Variants in LRRC8C observed in about 807,000 individuals in gnomAD.
LRRC8C encodes the protein leucine rich repeat containing 8 VRAC subunit C.
In LRRC8C, 20 loss-of-function variants were observed where a neutral mutation model predicts 55.3. The ratio of observed to expected loss-of-function variants is 0.36; its 90% CI spans 0.25 to 0.53. The LOEUF is 0.53. Among genes scored for constraint, LRRC8C ranks in the 20% least tolerant of loss-of-function variants. LRRC8C has a pLI of 0.92. For missense variants in LRRC8C, 659 were observed against 951.4 expected, an observed-to-expected ratio of 0.69 and a Z score of 4.04; for synonymous variants, 376 against 360.7, an observed-to-expected ratio of 1.04 and a Z score of -0.48.
intron 2 of LRRC8C, among the ~76,000 whole-genome samples, chr1:89,696,958 T>C (rs1220993745): frequency 1.3e-5 from 2 of 152,186 alleles, no homozygotes; most frequent in Non-Finnish European, 2.9e-5. Flanking sequence ...TTATCCAAAT[T>C]AATATTTATG....
At chr1:89,696,556 C>T (rs1408635369) in intron 2 of LRRC8C, among the ~76,000 whole-genome samples, 1 of 152,078 alleles carries the variant, frequency 6.6e-6, no homozygotes, top group African/African-American at 2.4e-5. Context: ...TCCTAAAGGT[C>T]ATCTGAACAA....
At position 89,686,323 on chromosome 1, in the gene LRRC8C, C is replaced by T. The variant is rs573285639; in HGVS notation, c.-4-147C>T. The T allele has an allele frequency of 5.0e-5, 36 of 721,610 alleles. 1 individual carries two copies. In the South Asian group the frequency reaches 7.4e-4, roughly 15 times the overall value. The allele number at this position is 721,610 out of a possible 1,614,324, so 44.7% of individuals were successfully genotyped here. A position where few individuals can be genotyped will look rare whatever the true frequency, so the allele number is the denominator to read the frequency against. On this transcript the variant is annotated intron_variant, in intron 1 of 2. Transcript: ENST00000370454. Reference sequence around the variant, plus strand: ...TATTTCCTCAACTGGTGATTTTATTCAGTGGCTCATCAAAACATTGATGTG... The same window carrying T: ...TATTTCCTCAACTGGTGATTTTATTTAGTGGCTCATCAAAACATTGATGTG...
At chr1:89,694,474 A>T (rs932051171) in intron 2 of LRRC8C, among the ~76,000 whole-genome samples, 7 of 151,258 alleles carry the variant, frequency 4.6e-5, no homozygotes, top group African/African-American at 1.7e-4. Context: ...TTTGGAGACG[A>T]GTTCTCACTC....
At chr1:89,649,715 C>T (rs1656706033) in intron 1 of LRRC8C, among the ~76,000 whole-genome samples, 1 of 152,094 alleles carries the variant, frequency 6.6e-6, no homozygotes, top group African/African-American at 2.4e-5. Flanking sequence ...TATTCCTTTG[C>T]CCAGGGTGGT....
At chr1:89,707,647 T>TGA (rs1658521565) in intron 2 of LRRC8C, among the ~76,000 whole-genome samples, 1 of 117,690 alleles carries the variant, frequency 8.5e-6, no homozygotes, top group African/African-American at 4.3e-5. Context: ...TGTGTGTGTG[T>TGA]GTGAGTGTGT....
chr1:89,696,859 G>C (rs533011430), intron 2 of LRRC8C, among the ~76,000 whole-genome samples: 1 of 152,232 alleles, frequency 6.6e-6, no homozygotes, highest in African/African-American at 2.4e-5. Context: ...GCCATTATCT[G>C]GATGATTCAG....
intron 1 of LRRC8C, among the ~76,000 whole-genome samples, chr1:89,635,021 C>A (rs1418633653): frequency 2.0e-5 from 3 of 152,056 alleles, no homozygotes; most frequent in Non-Finnish European, 4.4e-5. Context: ...TAAAATCAAG[C>A]CTTTATTAAT....
chr1:89,671,450 A>G (rs900897503), intron 1 of LRRC8C, among the ~76,000 whole-genome samples: 1 of 152,192 alleles, frequency 6.6e-6, no homozygotes, highest in Admixed American at 6.5e-5. Context: ...GAGGAATTCT[A>G]GGTGGATTTC....
At chr1:89,687,322 G>C (rs2101286887) in intron 2 of LRRC8C, among the ~76,000 whole-genome samples, 1 of 152,308 alleles carries the variant, frequency 6.6e-6, no homozygotes, top group South Asian at 2.1e-4. Flanking sequence ...AAAGGTGATG[G>C]TTGAATTAAA....
intron 1 of LRRC8C, among the ~76,000 whole-genome samples, chr1:89,673,419 C>T (rs1178285309): frequency 6.6e-6 from 1 of 152,126 alleles, no homozygotes; most frequent in African/African-American, 2.4e-5. Context: ...AGATGGTTTT[C>T]TCAGGAAGAC....
intron 1 of LRRC8C, among the ~76,000 whole-genome samples, chr1:89,659,053 TTTTTTTTTTGTGTGTGTGTGTG>T (rs1344374086): frequency 1.7e-5 from 1 of 59,350 alleles, no homozygotes; most frequent in Non-Finnish European, 3.5e-5. Context: ...TCCAGGTTTT[TTTTTTTTTTGTGTGTGTGTGTG>T]TGTGTGTGTG....
At chr1:89,702,247 C>T (rs1306885842) in intron 2 of LRRC8C, among the ~76,000 whole-genome samples, 1 of 151,808 alleles carries the variant, frequency 6.6e-6, no homozygotes, top group East Asian at 1.9e-4. Context: ...TCAAGAGAAG[C>T]AGTGGAAAAC....
At chr1:89,650,392 T>G (rs1213797231) in intron 1 of LRRC8C, among the ~76,000 whole-genome samples, 4 of 152,124 alleles carry the variant, frequency 2.6e-5, no homozygotes, top group Non-Finnish European at 5.9e-5. Context: ...GATATAAAAC[T>G]AGGTAATGTC....
intron 1 of LRRC8C, among the ~76,000 whole-genome samples, chr1:89,651,585 A>AAC (rs1553164485): frequency 6.6e-6 from 1 of 150,780 alleles, no homozygotes; most frequent in African/African-American, 2.5e-5. Context: ...AAAAAAAAAA[A>AAC]AAAAAGCAAC....
Position 89,715,049 on chromosome 1 carries a change from C to A in LRRC8C, c.*67C>A. 1.9e-6 allele frequency: 2 copies of A among 1,050,284 alleles called. No individual in the cohort carries two copies. Among genetic ancestry groups the A allele is most frequent in the Non-Finnish European group, 2.7e-6 (2 of 754,054 alleles). The allele number at this position is 1,050,284 out of a possible 1,614,324, so 65.1% of individuals were successfully genotyped here. On this transcript the variant is annotated 3_prime_UTR_variant, in exon 3 of 3. Coordinates refer to ENST00000370454, the MANE Select transcript of LRRC8C (RefSeq NM_032270.5). ...AATACAGTATAAATAATTAGGTAGT[C>A]TTAATGCCTTTCCTATTTTTTTTTC... is the stretch of plus-strand genomic sequence containing the variant.
chr1:89,695,619 G>C (rs1210967901), intron 2 of LRRC8C, among the ~76,000 whole-genome samples: 2 of 152,000 alleles, frequency 1.3e-5, no homozygotes, highest in Admixed American at 6.5e-5. Flanking sequence ...TTAGAATTCT[G>C]CAAAAATCTT....
intron 1 of LRRC8C, among the ~76,000 whole-genome samples, chr1:89,655,881 G>A (rs1245363033): frequency 1.3e-5 from 2 of 152,186 alleles, no homozygotes; most frequent in Non-Finnish European, 2.9e-5. Context: ...GCTCCTTTAA[G>A]GACACAACTC....
In LRRC8C at chr1:89,714,183, T is replaced by C; in HGVS notation, c.1613T>C (p.Leu538Pro). ...TCCAGAAATGTCACCCTTGAGTCTC[T>C]GCGGGATCTCAAAAGCCTTAAAATT... ...DISRNVTLES[L>P]RDLKSLKILS... The change falls in exon 3 of 3, where the codon CTG becomes CCG. Residue 538 changes from leucine to proline, a missense_variant. This residue lies in a region of LRRC8C where 344 missense variants were observed against 464.6 expected (regional missense o/e 0.74). Transcript: ENST00000370454. The surrounding 1 kb of genome is among the most constrained non-coding windows in gnomAD (Gnocchi z 4.6). 2 of 1,614,124 alleles carry C rather than the reference T, an allele frequency of 1.2e-6. No homozygotes were observed. The highest frequency in any genetic ancestry group is 1.7e-6 in the Non-Finnish European group (2 of 1,180,024).
intron 1 of LRRC8C, among the ~76,000 whole-genome samples, chr1:89,682,593 A>C (rs1657749584): frequency 6.6e-6 from 1 of 152,202 alleles, no homozygotes; most frequent in Non-Finnish European, 1.5e-5. Context: ...CTGATGGTGC[A>C]AAAACCATGG....
Sources: gnomAD v4.1 joint callset for allele counts (sites outside exome capture counted in the v4.1 genomes callset) on GRCh38, gnomAD v4.1.1 for gene constraint, gnomAD v4.1.1 regional missense constraint, Gnocchi (gnomAD v3.1) non-coding constraint, MANE v1.5 for transcripts, NCBI Gene and HGNC (gene_info 2026-07-23, HGNC 2026-07-21) for gene names.